XKR4: variants seen among roughly 807,000 people sequenced by gnomAD.
The protein encoded by XKR4 is XK related 4.
A neutral mutation model predicts 53.9 loss-of-function variants in XKR4; 12 were observed. That is an observed-to-expected ratio of 0.22 (90% CI 0.14 to 0.36). The LOEUF (loss-of-function observed/expected upper bound fraction) is 0.36. XKR4 is among the 10% of genes least tolerant of loss of function. XKR4 has a pLI of 1.00. For synonymous variants in XKR4, 354 were observed against 362.4 expected, an observed-to-expected ratio of 0.98 and a Z score of 0.26; for missense variants, 799 against 859.5, an observed-to-expected ratio of 0.93 and a Z score of 0.88.
chr8:55,468,025 A>G (rs996813278), intron 2 of XKR4, among the ~76,000 whole-genome samples: 1 of 152,100 alleles, frequency 6.6e-6, no homozygotes, highest in Non-Finnish European at 1.5e-5. Context: ...ATGCTTTAAC[A>G]TATTTTTGCA....
At chr8:55,452,463 C>G (rs922990810) in intron 2 of XKR4, 6 of 630,420 alleles carry the variant, frequency 9.5e-6, no homozygotes, top group South Asian at 3.4e-5. Context: ...ACCCTCCTCA[C>G]GCCCATCCGG....
intron 1 of XKR4, among the ~76,000 whole-genome samples, chr8:55,224,792 A>G (rs1407013998): frequency 6.6e-6 from 1 of 152,180 alleles, no homozygotes; most frequent in Non-Finnish European, 1.5e-5. Flanking sequence ...TCCCATGGTA[A>G]ACATTTTGGA....
At chr8:55,425,914 C>A (rs568210218) in intron 2 of XKR4, among the ~76,000 whole-genome samples, 1 of 152,182 alleles carries the variant, frequency 6.6e-6, no homozygotes, top group Non-Finnish European at 1.5e-5. Context: ...ACTTAAATGC[C>A]ATCAGCGGCT....
At chr8:55,358,524 C>T (rs906805363) in intron 2 of XKR4, among the ~76,000 whole-genome samples, 1 of 152,190 alleles carries the variant, frequency 6.6e-6, no homozygotes, top group African/African-American at 2.4e-5. Flanking sequence ...ATCAGTAGGA[C>T]TATTCCAGTT....
chr8:55,160,444 G>A (rs1032229878), intron 1 of XKR4, among the ~76,000 whole-genome samples: 2 of 152,164 alleles, frequency 1.3e-5, no homozygotes, highest in Non-Finnish European at 2.9e-5. Context: ...AAAGAGGCAG[G>A]GGTAATTTAG....
At chr8:55,144,076 A>G (rs1816740033) in intron 1 of XKR4, among the ~76,000 whole-genome samples, 1 of 152,136 alleles carries the variant, frequency 6.6e-6, no homozygotes, top group East Asian at 1.9e-4. Flanking sequence ...TAGGTTCCTC[A>G]TTTATAACTT....
chr8:55,228,209 G>A (rs900425676), intron 1 of XKR4, among the ~76,000 whole-genome samples: 6 of 152,156 alleles, frequency 3.9e-5, no homozygotes, highest in Non-Finnish European at 5.9e-5. Context: ...AGTGCACCCG[G>A]CCATGTCATT....
At chr8:55,501,908 T>C (rs1384853982) in intron 2 of XKR4, among the ~76,000 whole-genome samples, 1 of 152,170 alleles carries the variant, frequency 6.6e-6, no homozygotes, top group Non-Finnish European at 1.5e-5. Context: ...CCACAAACGC[T>C]CAAGTCTCTT....
intron 1 of XKR4, among the ~76,000 whole-genome samples, chr8:55,296,695 A>G (rs1321199550): frequency 6.6e-6 from 1 of 152,140 alleles, no homozygotes; most frequent in Non-Finnish European, 1.5e-5. Context: ...GAAGGAAGTA[A>G]CAGTTTTAGA....
chr8:55,345,562 G>A (rs1338492873), intron 1 of XKR4, among the ~76,000 whole-genome samples: 1 of 152,214 alleles, frequency 6.6e-6, no homozygotes, highest in Non-Finnish European at 1.5e-5. Context: ...TAGTCTGAGA[G>A]TCAGTGTTGC....
chr8:55,452,827 G>A, intron 2 of XKR4: 3 of 770,206 alleles, frequency 3.9e-6, no homozygotes, highest in Non-Finnish European at 4.7e-6. Flanking sequence ...GTGCTCTCCA[G>A]GTCACCCAGC....
chr8:55,296,145 T>A (rs570899647), intron 1 of XKR4, among the ~76,000 whole-genome samples: 1 of 152,282 alleles, frequency 6.6e-6, no homozygotes, highest in African/African-American at 2.4e-5. Context: ...CACCATGTGA[T>A]GTTGAAGGTG....
chr8:55,458,363 C>G (rs1156493630), intron 2 of XKR4, among the ~76,000 whole-genome samples: 1 of 152,186 alleles, frequency 6.6e-6, no homozygotes, highest in Non-Finnish European at 1.5e-5. Context: ...TCTGGGCAAC[C>G]AGCAGGAGCA....
intron 2 of XKR4, among the ~76,000 whole-genome samples, chr8:55,395,203 C>T (rs1389401431): frequency 1.3e-5 from 2 of 151,930 alleles, no homozygotes; most frequent in Non-Finnish European, 2.9e-5. Context: ...AGGAATTGTT[C>T]GAGGAAACTC....
intron 2 of XKR4, among the ~76,000 whole-genome samples, chr8:55,374,846 T>C (rs1804123817): frequency 6.6e-6 from 1 of 152,110 alleles, no homozygotes; most frequent in Admixed American, 6.5e-5. Flanking sequence ...TTCTAGACTA[T>C]AAAGGAAAGA....
At chr8:55,217,359 C>A (rs1371751850) in intron 1 of XKR4, among the ~76,000 whole-genome samples, 1 of 151,534 alleles carries the variant, frequency 6.6e-6, no homozygotes, top group African/African-American at 2.4e-5. Flanking sequence ...CAAATTTAAA[C>A]TACAAAGTGA....
At position 55,461,766 on chromosome 8, in the gene XKR4, G is replaced by A. The variant is rs572828527; in HGVS notation, c.1007-61515G>A. Among the ~76,000 whole-genome samples the A allele has an allele frequency of 1.9e-4, 29 of 152,330 alleles. 1 individual carries two copies. The Middle Eastern group carries it at 0.01, about 54-fold the overall frequency. On this transcript the variant is annotated intron_variant, in intron 2 of 2. Coordinates refer to ENST00000327381, the MANE Select transcript of XKR4 (RefSeq NM_052898.2). The stretch of plus-strand genomic sequence containing the variant: ...ATGGATAACTAGAATAACCAATGCA[G>A]AGAAGTCCTTCAAGGACCTGATGGA...
At chr8:55,160,991 C>T (rs764354944) in intron 1 of XKR4, among the ~76,000 whole-genome samples, 20 of 152,282 alleles carry the variant, frequency 1.3e-4, no homozygotes, top group Non-Finnish European at 2.2e-4. Flanking sequence ...GACAAGGGTG[C>T]TTTCTGGAGA....
chr8:55,507,797 C>T (rs1457460780), intron 2 of XKR4, among the ~76,000 whole-genome samples: 4 of 152,040 alleles, frequency 2.6e-5, no homozygotes, highest in African/African-American at 7.3e-5. Context: ...TGAATAATGC[C>T]GCAATAAACA....
Sources: gnomAD v4.1 joint callset for allele counts (sites outside exome capture counted in the v4.1 genomes callset) on GRCh38, gnomAD v4.1.1 for gene constraint, MANE v1.5 for transcripts, NCBI Gene and HGNC (gene_info 2026-07-23, HGNC 2026-07-21) for gene names.